The following FMNL2 variants were observed in gnomAD, a reference collection of about 807,000 sequenced individuals.
The protein encoded by FMNL2 is formin like 2.
In FMNL2, 51 loss-of-function variants were observed where a neutral mutation model predicts 130.2. The ratio of observed to expected loss-of-function variants is 0.39; its 90% CI spans 0.31 to 0.49. The LOEUF is 0.49. Among genes scored for constraint, FMNL2 ranks in the 20% least tolerant of loss-of-function variants. The pLI is 0.85. For missense variants in FMNL2, 977 were observed against 1,316.2 expected, an observed-to-expected ratio of 0.74 and a Z score of 3.99; for synonymous variants, 465 against 467.1, an observed-to-expected ratio of 1.00 and a Z score of 0.06.
At chr2:152,336,582 G>T (rs1429565256) in intron 1 of FMNL2, among the ~76,000 whole-genome samples, 2 of 152,176 alleles carry the variant, frequency 1.3e-5, no homozygotes, top group East Asian at 3.9e-4. Context: ...TCCCTTTCCT[G>T]CTGGGACAGT....
At chr2:152,494,589 G>GA (rs1691397543) in intron 1 of FMNL2, among the ~76,000 whole-genome samples, 1 of 152,150 alleles carries the variant, frequency 6.6e-6, no homozygotes, top group African/African-American at 2.4e-5. Context: ...AGAGAGAAAG[G>GA]ATATTCATTT....
intron 1 of FMNL2, among the ~76,000 whole-genome samples, chr2:152,516,161 G>A (rs1692755624): frequency 6.6e-6 from 1 of 152,068 alleles, no homozygotes; most frequent in Non-Finnish European, 1.5e-5. Flanking sequence ...ATGGGGAGTT[G>A]TTGTTTGATG....
At chr2:152,516,839 G>A (rs549041165) in intron 1 of FMNL2, among the ~76,000 whole-genome samples, 2 of 152,188 alleles carry the variant, frequency 1.3e-5, no homozygotes, top group Admixed American at 1.3e-4. Flanking sequence ...AGATGTATAG[G>A]CTACCATAGA....
intron 9 of FMNL2, among the ~76,000 whole-genome samples, chr2:152,592,784 AG>A: frequency 6.6e-6 from 1 of 152,318 alleles, no homozygotes; most frequent in African/African-American, 2.4e-5. Flanking sequence ...ATTTTTACAC[AG>A]ATCCATTTAA....
At chr2:152,508,032 A>C (rs910699498) in intron 1 of FMNL2, among the ~76,000 whole-genome samples, 1 of 152,216 alleles carries the variant, frequency 6.6e-6, no homozygotes, top group African/African-American at 2.4e-5. Flanking sequence ...TCACTTAGAA[A>C]TCATGCATGG....
At chr2:152,589,590 G>A (rs7607506) in intron 9 of FMNL2, among the ~76,000 whole-genome samples, 114,063 of 151,916 alleles carry the variant, frequency 0.75, 43,052 homozygotes, top group East Asian at 0.84. Flanking sequence ...TTTCTTTGAC[G>A]TTTTGATATT....
intron 15 of FMNL2, 116 bp downstream of exon 15, chr2:152,619,834 A>C: frequency 6.7e-7 from 1 of 1,485,006 alleles, no homozygotes; most frequent in Non-Finnish European, 9.0e-7. Flanking sequence ...ATCTCTTCCT[A>C]GTATAAGAAA....
At chr2:152,350,552 C>A (rs1682421037) in intron 1 of FMNL2, among the ~76,000 whole-genome samples, 1 of 152,162 alleles carries the variant, frequency 6.6e-6, no homozygotes, top group African/African-American at 2.4e-5. Context: ...TAAATGCAGG[C>A]ACTCTGAAGG....
At chr2:152,411,283 A>G (rs1686278484) in intron 1 of FMNL2, among the ~76,000 whole-genome samples, 1 of 152,168 alleles carries the variant, frequency 6.6e-6, no homozygotes, top group African/African-American at 2.4e-5. Flanking sequence ...AACAGCAGGC[A>G]TAATTGGTTG....
At chr2:152,519,558 C>T (rs987580490) in intron 1 of FMNL2, among the ~76,000 whole-genome samples, 1 of 152,160 alleles carries the variant, frequency 6.6e-6, no homozygotes. Flanking sequence ...AAGCTATTGC[C>T]GTTTTGCTCT....
chr2:152,371,668 CAAAAAAAAAAAAA>C (rs71394476), intron 1 of FMNL2, among the ~76,000 whole-genome samples: 2 of 66,232 alleles, frequency 3.0e-5, no homozygotes, highest in African/African-American at 6.1e-5. Context: ...GACTCTGTCT[CAAAAAAAAAAAAA>C]AAAAAAAAGA....
At chr2:152,623,871 C>T (rs559725865) in intron 15 of FMNL2, among the ~76,000 whole-genome samples, 1 of 151,868 alleles carries the variant, frequency 6.6e-6, no homozygotes, top group Admixed American at 6.6e-5. Flanking sequence ...CCCCATAGTC[C>T]CTTAAAGATA....
At chr2:152,494,455 C>T (rs1691388716) in intron 1 of FMNL2, among the ~76,000 whole-genome samples, 1 of 152,172 alleles carries the variant, frequency 6.6e-6, no homozygotes, top group Non-Finnish European at 1.5e-5. Flanking sequence ...AATAATAATG[C>T]TGCAGTGTTT....
At chr2:152,415,168 TA>T (rs11325472) in intron 1 of FMNL2, among the ~76,000 whole-genome samples, 47,132 of 144,986 alleles carry the variant, frequency 0.33, 7,877 homozygotes, top group Admixed American at 0.43. Context: ...TCTGATACAT[TA>T]AAAAAAAAAA....
intron 1 of FMNL2, among the ~76,000 whole-genome samples, chr2:152,347,254 C>T (rs1682180098): frequency 6.6e-6 from 1 of 151,918 alleles, no homozygotes. Flanking sequence ...TCTCAGCGGT[C>T]ACACTTCATG....
chr2:152,390,703 C>G (rs569475231), intron 1 of FMNL2: 6 of 739,196 alleles, frequency 8.1e-6, no homozygotes, highest in Admixed American at 1.8e-5. Flanking sequence ...TCCCACTCTT[C>G]TCTGGCCCTT....
At chr2:152,606,507 A>C (rs757974553) in intron 9 of FMNL2, among the ~76,000 whole-genome samples, 1 of 152,150 alleles carries the variant, frequency 6.6e-6, no homozygotes. Context: ...GCCTGAGCCC[A>C]GGAGGTTGAG....
chr2:152,493,121 T>C (rs890084363), intron 1 of FMNL2, among the ~76,000 whole-genome samples: 12 of 152,156 alleles, frequency 7.9e-5, no homozygotes, highest in African/African-American at 2.7e-4. Context: ...ACTGTAAGAA[T>C]AAGTTCTAGG....
rs147385599 is a variant in FMNL2, at chr2:152,649,101, A to G, written c.*1196A>G. ...TGGCTTATCTTCTTGGTACATCAATATATTAATTGTAAAGTTTATTGTATA... is the reference window on the plus strand; with the variant it reads ...TGGCTTATCTTCTTGGTACATCAATGTATTAATTGTAAAGTTTATTGTATA... On this transcript the variant is annotated 3_prime_UTR_variant, in exon 26 of 26. Coordinates refer to ENST00000288670, the MANE Select transcript of FMNL2 (RefSeq NM_052905.4). 1.3e-5 allele frequency: 2 copies of G among 152,682 alleles called. No homozygotes were observed. The highest frequency in any genetic ancestry group is 2.9e-5 in the Non-Finnish European group (2 of 68,020). 9.5% of individuals were successfully genotyped at this position (152,682 alleles called of 1,614,324 possible). A position where few individuals can be genotyped will look rare whatever the true frequency, so the allele number is the denominator to read the frequency against.
Sources: allele counts gnomAD v4.1 joint callset (sites outside exome capture counted in the v4.1 genomes callset), GRCh38; gene constraint gnomAD v4.1.1; transcripts MANE v1.5; gene names NCBI Gene and HGNC (gene_info 2026-07-23, HGNC 2026-07-21).